MAP3K19: variants seen among roughly 807,000 people sequenced by gnomAD.
MAP3K19 encodes mitogen-activated protein kinase kinase kinase 19, also known as SPS1/STE20-related protein kinase YSK4.
A neutral mutation model predicts 114.4 loss-of-function variants in MAP3K19; 91 were observed. The observed-to-expected ratio is 0.80, with a 90% CI of 0.67 to 0.95. The LOEUF is 0.95. MAP3K19 is among the 40% of genes least tolerant of loss of function. The pLI, the probability that MAP3K19 is intolerant of heterozygous loss-of-function variation, is 0.00. For missense variants in MAP3K19, 1,471 were observed against 1,573.2 expected, an observed-to-expected ratio of 0.94 and a Z score of 1.10; for synonymous variants, 518 against 530.5, an observed-to-expected ratio of 0.98 and a Z score of 0.32.
intron 12 of MAP3K19, among the ~76,000 whole-genome samples, chr2:134,974,936 T>C (rs1376964537): frequency 6.6e-6 from 1 of 152,190 alleles, no homozygotes; most frequent in Non-Finnish European, 1.5e-5. Flanking sequence ...TGCAGTAGTG[T>C]GGTCTTAGTA....
chr2:135,028,489 T>C (rs1339177296), intron 3 of MAP3K19, among the ~76,000 whole-genome samples: 1 of 150,448 alleles, frequency 6.6e-6, no homozygotes, highest in Non-Finnish European at 1.5e-5. Context: ...CCTGGGAAAG[T>C]CGAGGCTGCA....
chr2:135,031,305 G>T (rs1474959122), intron 2 of MAP3K19, among the ~76,000 whole-genome samples: 2 of 152,118 alleles, frequency 1.3e-5, no homozygotes, highest in African/African-American at 2.4e-5. Context: ...TGATGTCTAA[G>T]CTGAGACCTG....
At chr2:135,031,055 T>C (rs1004193735) in intron 2 of MAP3K19, among the ~76,000 whole-genome samples, 2 of 152,036 alleles carry the variant, frequency 1.3e-5, no homozygotes, top group East Asian at 1.9e-4. Flanking sequence ...GACTGCCCAG[T>C]TGCATGTTAA....
intron 2 of MAP3K19, among the ~76,000 whole-genome samples, chr2:135,035,927 A>C (rs1688516022): frequency 6.6e-6 from 1 of 152,058 alleles, no homozygotes; most frequent in South Asian, 2.1e-4. Context: ...CTCCGCCTCC[A>C]GGGTTCAAGC....
intron 12 of MAP3K19, among the ~76,000 whole-genome samples, chr2:134,967,376 G>A (rs1365498386): frequency 6.6e-6 from 1 of 152,220 alleles, no homozygotes; most frequent in Non-Finnish European, 1.5e-5. Context: ...AGTCAAAGAG[G>A]AAATCCTCTT....
At chr2:135,013,767 C>T (rs1000357479) in intron 5 of MAP3K19, among the ~76,000 whole-genome samples, 1 of 152,206 alleles carries the variant, frequency 6.6e-6, no homozygotes, top group Middle Eastern at 3.4e-3. Context: ...TGCCCCCACC[C>T]CAATCCCCCA....
In MAP3K19 at chr2:134,987,757, T is replaced by A. The variant is rs901994427; in HGVS notation, c.1115A>T (p.Asn372Ile). 2 of 1,608,968 alleles carry A rather than the reference T, an allele frequency of 1.2e-6. No individual in the cohort carries two copies. The highest frequency in any genetic ancestry group is 1.7e-6 in the Non-Finnish European group (2 of 1,179,994). The change falls in exon 10 of 13, where the codon AAT becomes ATT. Residue 372 changes from asparagine (N) to isoleucine (I), a missense_variant. Transcript: ENST00000392915. Reference protein sequence around the residue: ...ENSQYLSSRKNESSVAKNYEQ... With the variant: ...ENSQYLSSRKIESSVAKNYEQ... ...ATAGTTTTTGGCTACTGAACTCTCA[T>A]TCTTTCTTGATGAAAGATATTGAGA...
At chr2:134,982,866 T>C (rs1684802200) in intron 11 of MAP3K19, among the ~76,000 whole-genome samples, 1 of 152,230 alleles carries the variant, frequency 6.6e-6, no homozygotes, top group Non-Finnish European at 1.5e-5. Flanking sequence ...ACAAGTCTTA[T>C]TTGGGGGCCA....
Position 134,986,486 on chromosome 2 carries a change from T to C in MAP3K19, c.2386A>G (p.Met796Val). The C allele has an allele frequency of 1.2e-6, 2 of 1,614,138 alleles. No individual in the cohort carries two copies. Among genetic ancestry groups the C allele is most frequent in the Non-Finnish European group, 1.7e-6 (2 of 1,180,006 alleles). ...ACAGGAGGGAATTCATTCTGTTTCA[T>C]GGACTGCTCAGGTGTCTGAGCCAAG... ...MNLAQTPEQS[M>V]KQNEFPPVSD... The change falls in exon 10 of 13, where the codon ATG becomes GTG. Residue 796 changes from methionine (M) to valine (V), a missense_variant. Coordinates refer to ENST00000392915, the MANE Select transcript of MAP3K19 (RefSeq NM_025052.5).
chr2:134,988,136 G>A lies in MAP3K19; in HGVS notation c.736C>T (p.Pro246Ser). Residue 246 changes from proline to serine, a missense_variant, in exon 10 of 13, where the codon CCT (proline) becomes TCT (serine). Coordinates refer to ENST00000392915, the MANE Select transcript of MAP3K19 (RefSeq NM_025052.5). ...RNIPSLTSFVPKLSVSVRQSD... is the reference protein window; with the variant it reads ...RNIPSLTSFVSKLSVSVRQSD... ...TGACGAACAGACACTGAGAGCTTAG[G>A]CACAAAAGATGTGAGACTTGGAATG... 6.2e-7 allele frequency: 1 copy of A among 1,614,062 alleles called. No individual in the cohort carries two copies. Among genetic ancestry groups the A allele is most frequent in the Non-Finnish European group, 8.5e-7 (1 of 1,179,992 alleles).
rs971124064 is a variant in MAP3K19, at chr2:135,047,392, T to G, written c.-631A>C. ...AAATAATTTTTCCTTTTAAATTTTG[T>G]CTTTAATTAAGCTGGTCCTGCATGC... On this transcript the variant is annotated 5_prime_UTR_variant, in exon 1 of 13. Coordinates refer to ENST00000392915, the MANE Select transcript of MAP3K19 (RefSeq NM_025052.5). 1.3e-5 allele frequency: 2 copies of G among 152,234 alleles called. No homozygotes were observed. Among genetic ancestry groups the G allele is most frequent in the Admixed American group, 6.5e-5 (1 of 15,284 alleles). 9.4% of individuals were successfully genotyped at this position (152,234 alleles called of 1,614,324 possible).
chr2:134,965,880 C>T (rs559125473), intron 12 of MAP3K19, among the ~76,000 whole-genome samples: 29 of 152,262 alleles, frequency 1.9e-4, no homozygotes, highest in African/African-American at 5.8e-4. Flanking sequence ...TCCTCCCTGC[C>T]CCACCACATA....
intron 12 of MAP3K19, among the ~76,000 whole-genome samples, chr2:134,978,604 T>G (rs897532408): frequency 2.6e-5 from 4 of 152,212 alleles, no homozygotes; most frequent in African/African-American, 9.7e-5. Flanking sequence ...AGGGTTTAGC[T>G]GCCTCCCTGT....
At chr2:134,985,248 A>G (rs974569313) in intron 10 of MAP3K19, among the ~76,000 whole-genome samples, 3 of 152,250 alleles carry the variant, frequency 2.0e-5, no homozygotes, top group African/African-American at 7.2e-5. Flanking sequence ...CTATGCTCCT[A>G]GTTCTTGGCC....
rs1685160512 is a variant in MAP3K19 at position 134,986,820 on chromosome 2, A to G, written c.2052T>C (p.Tyr684=). The G allele has an allele frequency of 1.2e-6, 2 of 1,614,194 alleles. No homozygotes were observed. Among genetic ancestry groups the G allele is most frequent in the Non-Finnish European group, 1.7e-6 (2 of 1,180,046 alleles). ...VRETERDENT[Y]YREICSAPSG... ...ATGGAGCCGAACATATCTCACGGTA[A>G]TACGTGTTTTCATCCCTTTCAGTCT... The change falls in exon 10 of 13, where the codon TAT becomes TAC. Residue 684 remains tyrosine, a synonymous_variant. Transcript: ENST00000392915.
At chr2:135,027,321 CAG>C (rs541611851) in intron 3 of MAP3K19, among the ~76,000 whole-genome samples, 30 of 119,098 alleles carry the variant, frequency 2.5e-4, no homozygotes, top group Non-Finnish European at 4.6e-4. Context: ...AAGAAAGAGA[CAG>C]AGAAATAAAG....
intron 12 of MAP3K19, among the ~76,000 whole-genome samples, chr2:134,971,946 A>T: frequency 6.8e-6 from 1 of 146,536 alleles, no homozygotes; most frequent in African/African-American, 2.5e-5. Flanking sequence ...TGATTTTTAT[A>T]TTTTTTTATT....
At chr2:135,010,475 C>T (rs1317685991) in intron 5 of MAP3K19, among the ~76,000 whole-genome samples, 1 of 152,104 alleles carries the variant, frequency 6.6e-6, no homozygotes, top group Non-Finnish European at 1.5e-5. Flanking sequence ...TAGCAAGTCC[C>T]AAACATAGAT....
Position 134,980,930 on chromosome 2 carries a change from C to A in MAP3K19, c.3811G>T (p.Asp1271Tyr). The A allele has an allele frequency of 6.2e-7, 1 of 1,614,210 alleles. No individual in the cohort carries two copies. Among genetic ancestry groups the A allele is most frequent in the Non-Finnish European group, 8.5e-7 (1 of 1,180,046 alleles). Reference protein sequence around the residue: ...ATGKPPLASMDRMAAMFYIGA... With the variant: ...ATGKPPLASMYRMAAMFYIGA... ...ATGTAAAACATGGCGGCCATCCTGT[C>A]CATGGAAGCCAGTGGAGGCTTCCCT... The change falls in exon 12 of 13, where the codon GAC (aspartate) becomes TAC (tyrosine). Residue 1271 changes from aspartate to tyrosine, a missense_variant. By Grantham distance (160) the Asp-to-Tyr change is radical (BLOSUM62 -3). Coordinates refer to ENST00000392915, the MANE Select transcript of MAP3K19 (RefSeq NM_025052.5).
Sources: allele counts gnomAD v4.1 joint callset (sites outside exome capture counted in the v4.1 genomes callset), GRCh38; gene constraint gnomAD v4.1.1; transcripts MANE v1.5; gene names NCBI Gene and HGNC (gene_info 2026-07-23, HGNC 2026-07-21).